ARMH1: variants seen among roughly 807,000 people sequenced by gnomAD.
ARMH1 encodes the protein armadillo-like helical domain containing protein 1.
ARMH1 carries 34 observed loss-of-function variants against 50.2 expected under a neutral mutation model. That is an observed-to-expected ratio of 0.68 (90% confidence interval 0.51 to 0.90). The LOEUF is 0.90. Among genes scored for constraint, ARMH1 ranks in the 40% least tolerant of loss-of-function variants. The pLI is 0.00. For missense variants in ARMH1, 538 were observed against 553.9 expected (o/e 0.97, Z 0.29); for synonymous variants, 221 against 224.2 (o/e 0.99, Z 0.13).
chr1:44,699,650 C>T (rs1014378753), intron 4 of ARMH1, among the ~76,000 whole-genome samples: 4 of 151,920 alleles, frequency 2.6e-5, no homozygotes, highest in Non-Finnish European at 5.9e-5. Context: ...GGGGTTTCGC[C>T]ATGTTAGCCA....
At chr1:44,689,606 G>A in intron 1 of ARMH1, 70 bp from the exon 2 acceptor site, 2 of 1,229,042 alleles carry the variant, frequency 1.6e-6, no homozygotes, top group East Asian at 2.6e-5. Flanking sequence ...GCAGTTGATT[G>A]CTAGAAAAAT....
chr1:44,678,871 C>T (rs1165267763), intron 1 of ARMH1, among the ~76,000 whole-genome samples: 1 of 152,182 alleles, frequency 6.6e-6, no homozygotes, highest in East Asian at 1.9e-4. Context: ...AATACCTCCC[C>T]TTCGCTTGTT....
At position 44,724,510 on chromosome 1, in the gene ARMH1, C is replaced by T; in HGVS notation, c.921-29C>T. The stretch of plus-strand genomic sequence containing the variant: ...GGTGTGCGCCGGGTGAGCCCCAGGG[C>T]GTCGCCCCAGCCCGAACCCCCGGCC... On this transcript the variant is annotated intron_variant, in intron 8 of 11. Transcript: ENST00000535358. The surrounding 1 kb of genome is among the most constrained non-coding windows in gnomAD (Gnocchi z 6.4). 1 of 1,506,042 alleles carries T rather than the reference C, an allele frequency of 6.6e-7. No individual in the cohort carries two copies. Among genetic ancestry groups the T allele is most frequent in the Non-Finnish European group, 8.8e-7 (1 of 1,131,338 alleles). 93.3% of individuals were successfully genotyped at this position (1,506,042 alleles called of 1,614,324 possible).
At chr1:44,686,727 G>C (rs1645482600) in intron 1 of ARMH1, among the ~76,000 whole-genome samples, 1 of 151,936 alleles carries the variant, frequency 6.6e-6, no homozygotes, top group Non-Finnish European at 1.5e-5. Context: ...TAAAGTATGG[G>C]AAATAATGTT....
chr1:44,689,573 C>A, intron 1 of ARMH1, 103 bp from the exon 2 acceptor site: 1 of 882,650 alleles, frequency 1.1e-6, no homozygotes. Flanking sequence ...CATCCATTTG[C>A]ATGATAAAGC....
At chr1:44,704,927 C>T (rs1646272280) in intron 6 of ARMH1, among the ~76,000 whole-genome samples, 1 of 151,626 alleles carries the variant, frequency 6.6e-6, no homozygotes, top group African/African-American at 2.4e-5. Flanking sequence ...CTCTGCCTCC[C>T]GGGTTCACAC....
Position 44,724,203 on chromosome 1 carries a change from C to A in ARMH1, c.806C>A (p.Ser269Ter). Reference sequence around the variant, plus strand: ...GGCCTCGTGGCGCTGCTGATACCGTCGGTCAAGGAGATCTCCAAACTGCAG... The same window carrying A: ...GGCCTCGTGGCGCTGCTGATACCGTAGGTCAAGGAGATCTCCAAACTGCAG... Reference protein sequence around the residue: ...LKGLVALLIPSVKEISKLQAK... With the variant: ...LKGLVALLIP Residue 269 changes from serine (S) to a stop codon, truncating the protein, a stop_gained, in exon 7 of 12, where the codon TCG becomes TAG. Coordinates refer to ENST00000535358, the MANE Select transcript of ARMH1 (RefSeq NM_001145636.2). LOFTEE classifies it high-confidence loss of function. The surrounding 1 kb of genome is among the most constrained non-coding windows in gnomAD (Gnocchi z 6.4). 6.4e-7 allele frequency: 1 copy of A among 1,551,736 alleles called. No homozygotes were observed. Among genetic ancestry groups the A allele is most frequent in the Non-Finnish European group, 8.7e-7 (1 of 1,146,988 alleles).
intron 2 of ARMH1, among the ~76,000 whole-genome samples, chr1:44,696,086 A>C (rs931067334): frequency 2.0e-5 from 3 of 152,184 alleles, no homozygotes; most frequent in Non-Finnish European, 1.5e-5. Flanking sequence ...CAGGGTGGGG[A>C]CAATGTAGGA....
At chr1:44,709,735 G>T (rs1646517194) in intron 6 of ARMH1, among the ~76,000 whole-genome samples, 1 of 151,908 alleles carries the variant, frequency 6.6e-6, no homozygotes, top group Non-Finnish European at 1.5e-5. Flanking sequence ...TACTCAGGGA[G>T]GCTGAGGCAG....
At chr1:44,690,256 A>G (rs1041743939) in intron 2 of ARMH1, among the ~76,000 whole-genome samples, 2 of 152,056 alleles carry the variant, frequency 1.3e-5, no homozygotes, top group African/African-American at 4.8e-5. Context: ...AGCCTTCAAA[A>G]ATGAAAAGGA....
At chr1:44,721,823 A>G (rs752765161) in intron 6 of ARMH1, 5 of 152,166 alleles carry the variant, frequency 3.3e-5, no homozygotes, top group Admixed American at 1.3e-4. Context: ...ATTTAACCAT[A>G]AACTCATAGT....
At chr1:44,720,985 C>T (rs1456496023) in intron 6 of ARMH1, among the ~76,000 whole-genome samples, 3 of 151,652 alleles carry the variant, frequency 2.0e-5, no homozygotes, top group South Asian at 2.1e-4. Context: ...TGCAGTGAGC[C>T]GAGATCGTAC....
In ARMH1 at chr1:44,689,955, C is replaced by T. The variant is rs913118357; in HGVS notation, c.206+52C>T. 11 of 1,489,374 alleles carry T rather than the reference C, an allele frequency of 7.4e-6. No homozygotes were observed. In the African/African-American group the frequency reaches 1.4e-4, roughly 19 times the overall value. The allele number at this position is 1,489,374 out of a possible 1,614,324, so 92.3% of individuals were successfully genotyped here. ...AAATTAGGCACCGGGCACGGTGGCT[C>T]ACGCCTGTAATCCCAGCACTTTGGG... On this transcript the variant is annotated intron_variant, in intron 2 of 11. Transcript: ENST00000535358.
chr1:44,725,106 C>G, intron 10 of ARMH1, 30 bp from the exon 11 acceptor site: 1 of 1,551,592 alleles, frequency 6.4e-7, no homozygotes, highest in South Asian at 1.2e-5. Context: ...CCTGGCACCC[C>G]AGCCGGGTCC....
chr1:44,693,496 G>C (rs1237689932), intron 2 of ARMH1, among the ~76,000 whole-genome samples: 1 of 152,028 alleles, frequency 6.6e-6, no homozygotes, highest in Non-Finnish European at 1.5e-5. Flanking sequence ...TGTCACCCAG[G>C]CTGGAGCACA....
Position 44,709,006 on chromosome 1 carries a change from A to G in ARMH1, c.724+4833A>G, listed in dbSNP as rs114578385. On this transcript the variant is annotated intron_variant, in intron 6 of 11. Coordinates refer to ENST00000535358, the MANE Select transcript of ARMH1 (RefSeq NM_001145636.2). Reference sequence around the variant, plus strand: ...AGAATTTATGGATTAAAAGAGACTTAAAAGACATGTACCAAAAAGGTAAAA... The same window carrying G: ...AGAATTTATGGATTAAAAGAGACTTGAAAGACATGTACCAAAAAGGTAAAA... Among the ~76,000 whole-genome samples the G allele has an allele frequency of 8.0e-3, 1,219 of 152,272 alleles. 12 individuals are homozygous for G. Among genetic ancestry groups the G allele is most frequent in the Non-Finnish European group, 0.014 (932 of 68,024 alleles).
chr1:44,695,606 A>G (rs1378957201), intron 2 of ARMH1, among the ~76,000 whole-genome samples: 2 of 152,126 alleles, frequency 1.3e-5, no homozygotes, highest in African/African-American at 4.8e-5. Context: ...CCTGGGCAAC[A>G]TAGCAAAACT....
chr1:44,715,758 C>T (rs1016732861), intron 6 of ARMH1, among the ~76,000 whole-genome samples: 1 of 152,186 alleles, frequency 6.6e-6, no homozygotes, highest in Non-Finnish European at 1.5e-5. Context: ...CAGGGTTTCA[C>T]AATGTTGGCC....
rs1224993677 is a variant in ARMH1, at chr1:44,697,503, A to G, written c.275+333A>G. Among the ~76,000 whole-genome samples the G allele has an allele frequency of 7.2e-5, 11 of 152,318 alleles. No individual in the cohort carries two copies. In the South Asian group the frequency reaches 1.2e-3, roughly 17 times the overall value. On this transcript the variant is annotated intron_variant, in intron 3 of 11. Coordinates refer to ENST00000535358, the MANE Select transcript of ARMH1 (RefSeq NM_001145636.2). Reference sequence around the variant, plus strand: ...ACATATTTCAGCCCTAACTAGATCCAGGGCTCAAACAATGTCATCAGTACT... The same window carrying G: ...ACATATTTCAGCCCTAACTAGATCCGGGGCTCAAACAATGTCATCAGTACT...
Sources: gnomAD v4.1 joint callset for allele counts (sites outside exome capture counted in the v4.1 genomes callset) on GRCh38, gnomAD v4.1.1 for gene constraint, Gnocchi (gnomAD v3.1) non-coding constraint, MANE v1.5 for transcripts, NCBI Gene and HGNC (gene_info 2026-07-23, HGNC 2026-07-21) for gene names.